The following GRID2 variants were observed in gnomAD, a reference collection of about 807,000 sequenced individuals.
The protein encoded by GRID2 is glutamate ionotropic receptor delta type subunit 2, also known as glutamate receptor ionotropic, delta-2.
GRID2 carries 33 observed loss-of-function variants against 114.8 expected under a neutral mutation model. The observed-to-expected ratio is 0.29, with a 90% CI of 0.22 to 0.38. GRID2 has a LOEUF of 0.38. GRID2 is among the 10% of genes least tolerant of loss of function. The pLI is 1.00. For missense variants in GRID2, 1,184 were observed against 1,257.7 expected, an observed-to-expected ratio of 0.94 and a Z score of 0.89; for synonymous variants, 505 against 449.9, an observed-to-expected ratio of 1.12 and a Z score of -1.55.
At chr4:92,878,508 G>A (rs1027113910) in intron 2 of GRID2, among the ~76,000 whole-genome samples, 20 of 152,228 alleles carry the variant, frequency 1.3e-4, no homozygotes, top group Middle Eastern at 3.4e-3. Context: ...CTGGATGGTA[G>A]TTTGAACTTT....
intron 1 of GRID2, among the ~76,000 whole-genome samples, chr4:92,334,749 G>A (rs1265172071): frequency 6.6e-6 from 1 of 152,106 alleles, no homozygotes; most frequent in Non-Finnish European, 1.5e-5. Flanking sequence ...TAAATTTTGG[G>A]GGACACATTC....
intron 14 of GRID2, among the ~76,000 whole-genome samples, chr4:93,717,046 A>G (rs1315386894): frequency 6.6e-6 from 1 of 152,090 alleles, no homozygotes; most frequent in Non-Finnish European, 1.5e-5. Flanking sequence ...TCAATAATTA[A>G]AAGATTTCCT....
At chr4:92,909,382 A>G (rs148005866) in intron 2 of GRID2, among the ~76,000 whole-genome samples, 2 of 152,172 alleles carry the variant, frequency 1.3e-5, no homozygotes, top group Non-Finnish European at 2.9e-5. Context: ...CTATTCCATT[A>G]TAAACACCTT....
At chr4:92,732,108 A>G (rs1736355041) in intron 2 of GRID2, among the ~76,000 whole-genome samples, 1 of 151,978 alleles carries the variant, frequency 6.6e-6, no homozygotes, top group Non-Finnish European at 1.5e-5. Flanking sequence ...CATACATGAA[A>G]TGAGCAATGT....
chr4:92,413,506 G>A (rs1324734563), intron 1 of GRID2, among the ~76,000 whole-genome samples: 1 of 152,100 alleles, frequency 6.6e-6, no homozygotes, highest in African/African-American at 2.4e-5. Context: ...GGCCACTGGA[G>A]AAAGATTACA....
chr4:92,366,300 T>A (rs2110210107), intron 1 of GRID2, among the ~76,000 whole-genome samples: 1 of 152,184 alleles, frequency 6.6e-6, no homozygotes, highest in South Asian at 2.1e-4. Context: ...TGGAATCAGA[T>A]AGAATGGTGT....
intron 8 of GRID2, among the ~76,000 whole-genome samples, chr4:93,330,909 C>T (rs922083013): frequency 1.3e-5 from 2 of 152,058 alleles, no homozygotes; most frequent in African/African-American, 4.8e-5. Flanking sequence ...GCAGCTGGGG[C>T]CATTGGTGAT....
chr4:93,290,268 C>T (rs1753596024), intron 8 of GRID2, among the ~76,000 whole-genome samples: 1 of 152,062 alleles, frequency 6.6e-6, no homozygotes, highest in South Asian at 2.1e-4. Flanking sequence ...CATGTGATTG[C>T]TTATGAGTGC....
chr4:93,369,069 G>A (rs907664258), intron 8 of GRID2, among the ~76,000 whole-genome samples: 3 of 152,208 alleles, frequency 2.0e-5, no homozygotes, highest in East Asian at 1.9e-4. Context: ...TTAAAACAAC[G>A]GAAATTTATT....
At chr4:93,091,356 C>T (rs1159513755) in intron 3 of GRID2, among the ~76,000 whole-genome samples, 2 of 151,960 alleles carry the variant, frequency 1.3e-5, no homozygotes, top group Non-Finnish European at 2.9e-5. Context: ...AAAAGAATGG[C>T]GATCAAGTCG....
chr4:92,485,194 G>A (rs535093126), intron 1 of GRID2, among the ~76,000 whole-genome samples: 83 of 150,130 alleles, frequency 5.5e-4, no homozygotes, highest in African/African-American at 1.6e-3. Flanking sequence ...GGATTGGGAA[G>A]GAATCAGTGA....
intron 4 of GRID2, among the ~76,000 whole-genome samples, chr4:93,164,582 G>A (rs1738067352): frequency 6.6e-6 from 1 of 152,032 alleles, no homozygotes; most frequent in Non-Finnish European, 1.5e-5. Flanking sequence ...TTATTGAGAA[G>A]TCAGCTGTTT....
intron 7 of GRID2, among the ~76,000 whole-genome samples, chr4:93,234,855 A>C (rs1366350171): frequency 6.6e-6 from 1 of 152,040 alleles, no homozygotes; most frequent in Non-Finnish European, 1.5e-5. Context: ...ATATTAACAG[A>C]TTATCCTTGG....
intron 14 of GRID2, among the ~76,000 whole-genome samples, chr4:93,654,111 A>G (rs992738630): frequency 1.3e-5 from 2 of 152,160 alleles, no homozygotes; most frequent in African/African-American, 4.8e-5. Flanking sequence ...TCTAGTGGCC[A>G]GCCTTTTCAT....
intron 2 of GRID2, among the ~76,000 whole-genome samples, chr4:92,927,895 C>G (rs766476644): frequency 5.3e-5 from 8 of 151,570 alleles, no homozygotes; most frequent in Non-Finnish European, 1.2e-4. Context: ...ATTATACTTA[C>G]CAGTTGAGGA....
chr4:92,718,593 G>T (rs908548674), intron 2 of GRID2, among the ~76,000 whole-genome samples: 4 of 151,736 alleles, frequency 2.6e-5, no homozygotes, highest in Non-Finnish European at 5.9e-5. Flanking sequence ...GAGAGACCCC[G>T]TCTCTGCAAT....
At chr4:93,476,502 A>G (rs1170178233) in intron 11 of GRID2, among the ~76,000 whole-genome samples, 1 of 152,154 alleles carries the variant, frequency 6.6e-6, no homozygotes, top group African/African-American at 2.4e-5. Flanking sequence ...TTTTTACGAT[A>G]CATTTAAGCC....
chr4:93,694,419 C>CT (rs1160047235), intron 14 of GRID2, among the ~76,000 whole-genome samples: 3 of 152,174 alleles, frequency 2.0e-5, no homozygotes, highest in Admixed American at 1.3e-4. Flanking sequence ...TTACTTGCTA[C>CT]GCATGACACC....
chr4:93,098,180 C>G (rs781659310), intron 3 of GRID2, among the ~76,000 whole-genome samples: 7 of 151,918 alleles, frequency 4.6e-5, no homozygotes, highest in Non-Finnish European at 8.8e-5. Flanking sequence ...ACTGTGTTTT[C>G]TTTATCATAA....
Sources: gnomAD v4.1 joint callset for allele counts (sites outside exome capture counted in the v4.1 genomes callset) on GRCh38, gnomAD v4.1.1 for gene constraint, MANE v1.5 for transcripts, NCBI Gene and HGNC (gene_info 2026-07-23, HGNC 2026-07-21) for gene names.